TRMO: variants seen among roughly 807,000 people sequenced by gnomAD.
TRMO encodes tRNA methyltransferase O.
Under a neutral mutation model 37.2 loss-of-function variants are expected in TRMO, and 30 were observed. The observed-to-expected ratio is 0.81, with a 90% CI of 0.60 to 1.09. The LOEUF is 1.09. TRMO is among the 50% of genes least tolerant of loss of function. The pLI is 0.00. For synonymous variants in TRMO, 239 were observed against 199.4 expected (o/e 1.20, Z -1.67); for missense variants, 552 against 549.5 (o/e 1.00, Z -0.05).
chr9:97,908,282 G>A (rs1282656104), intron 4 of TRMO, among the ~76,000 whole-genome samples: 2 of 152,020 alleles, frequency 1.3e-5, no homozygotes, highest in African/African-American at 2.4e-5. Context: ...TGTGGTGGCG[G>A]GCGCCTGTAG....
At chr9:97,913,606 A>C in intron 2 of TRMO, 48 bp from the exon 3 acceptor site, 1 of 1,302,354 alleles carries the variant, frequency 7.7e-7, no homozygotes, top group Non-Finnish European at 1.1e-6. Flanking sequence ...AAAGAGCACA[A>C]GTTATTTTAC....
Position 97,910,566 on chromosome 9 carries a change from G to C in TRMO, c.460C>G (p.Leu154Val), listed in dbSNP as rs1826076899. 1 of 1,614,028 alleles carries C rather than the reference G, an allele frequency of 6.2e-7. No homozygotes were observed. The highest frequency in any genetic ancestry group is 8.5e-7 in the Non-Finnish European group (1 of 1,179,878). Reference protein sequence around the residue: ...GIDMIHGTPVLDIKPYIAEYD... With the variant: ...GIDMIHGTPVVDIKPYIAEYD... ...TCAGCTATGTAGGGCTTGATGTCTAGTACGGGTGTGCCATGTATCATGTCA... is the reference window on the plus strand; with the variant it reads ...TCAGCTATGTAGGGCTTGATGTCTACTACGGGTGTGCCATGTATCATGTCA... The change falls in exon 4 of 5, where the codon CTA (leucine) becomes GTA (valine). Residue 154 changes from leucine to valine, a missense_variant. By Grantham distance (32) the Leu-to-Val change is conservative. Transcript: ENST00000375119.
chr9:97,906,310 C>A, intron 4 of TRMO, among the ~76,000 whole-genome samples: 1 of 152,148 alleles, frequency 6.6e-6, no homozygotes, highest in Admixed American at 6.5e-5. Context: ...CTCTGCTTGG[C>A]CGTTTATCTG....
At position 97,912,555 on chromosome 9, in the gene TRMO, T is replaced by C. The variant is rs1826173563; in HGVS notation, c.409+846A>G. The C allele has an allele frequency of 1.7e-5, 3 of 179,380 alleles. No individual in the cohort carries two copies. In the Admixed American group the frequency reaches 1.8e-4, roughly 11 times the overall value. 11.1% of individuals were successfully genotyped at this position (179,380 alleles called of 1,614,324 possible). A position where few individuals can be genotyped will look rare whatever the true frequency, so the allele number is the denominator to read the frequency against. ...CAATCCAGTGGGAGAGTTCAAGTTC[T>C]GGGAAAGAACAAGCAAAATAACTGC... On this transcript the variant is annotated intron_variant, in intron 3 of 4. Transcript: ENST00000375119.
At chr9:97,921,603 T>C (rs1172589424) in intron 1 of TRMO, among the ~76,000 whole-genome samples, 1 of 151,974 alleles carries the variant, frequency 6.6e-6, no homozygotes, top group Non-Finnish European at 1.5e-5. Context: ...TTTTGTATTT[T>C]TTAGTAGAGA....
At chr9:97,913,120 T>C (rs921724025) in intron 3 of TRMO, 1 of 471,074 alleles carries the variant, frequency 2.1e-6, no homozygotes, top group Non-Finnish European at 3.9e-6. Context: ...AAACTTTGGT[T>C]ACTAATTTAA....
intron 3 of TRMO, chr9:97,911,366 G>A (rs1826117214): frequency 6.5e-6 from 1 of 152,948 alleles, no homozygotes; most frequent in African/African-American, 2.4e-5. Flanking sequence ...AGACACTGAG[G>A]GCAGCCTCCA....
At chr9:97,905,451 C>T (rs369102285) in intron 4 of TRMO, among the ~76,000 whole-genome samples, 2 of 152,214 alleles carry the variant, frequency 1.3e-5, no homozygotes, top group African/African-American at 2.4e-5. Flanking sequence ...CAGCTACAGG[C>T]GAGAGAGGCT....
At chr9:97,898,951 T>C in the TRMO span, among the ~76,000 whole-genome samples, 1 of 144,828 alleles carries the variant, frequency 6.9e-6, no homozygotes, top group Non-Finnish European at 1.5e-5. Flanking sequence ...GCCATTCTCC[T>C]GCCTCAGCCT....
At chr9:97,922,201 A>C (rs1183165561) in intron 1 of TRMO, among the ~76,000 whole-genome samples, 2 of 152,208 alleles carry the variant, frequency 1.3e-5, no homozygotes, top group East Asian at 3.9e-4. Context: ...CAGACAGTAC[A>C]AGTCTTATAA....
chr9:97,909,773 C>G (rs1353311404), intron 4 of TRMO, among the ~76,000 whole-genome samples, 187 bp downstream of exon 4: 1 of 152,188 alleles, frequency 6.6e-6, no homozygotes, highest in Non-Finnish European at 1.5e-5. Context: ...ACTAACTGTG[C>G]TGACCACACA....
intron 2 of TRMO, among the ~76,000 whole-genome samples, chr9:97,914,853 G>A (rs1826282890): frequency 6.6e-6 from 1 of 152,160 alleles, no homozygotes; most frequent in Non-Finnish European, 1.5e-5. Context: ...TCTACACCAT[G>A]CTGTTAACAG....
intron 1 of TRMO, among the ~76,000 whole-genome samples, chr9:97,918,106 C>A (rs1489413414): frequency 1.3e-5 from 2 of 151,290 alleles, no homozygotes; most frequent in South Asian, 4.2e-4. Context: ...TTAGGCCAGG[C>A]GCGGTGGCTC....
intron 4 of TRMO, 152 bp from the exon 5 acceptor site, chr9:97,905,144 C>A: frequency 1.2e-6 from 1 of 855,096 alleles, no homozygotes. Flanking sequence ...AGACTGTCAC[C>A]GTCAAGAGGT....
chr9:97,897,305 G>A, the TRMO span, among the ~76,000 whole-genome samples: 1 of 152,198 alleles, frequency 6.6e-6, no homozygotes, highest in Non-Finnish European at 1.5e-5. Flanking sequence ...GAGTTTCAGA[G>A]AAATAATGTT....
Position 97,910,070 on chromosome 9 carries a change from C to T in TRMO, c.956G>A (p.Gly319Glu), listed in dbSNP as rs1175113799. The change falls in exon 4 of 5, where the codon GGA becomes GAA. Residue 319 changes from glycine to glutamate, a missense_variant. Physicochemically the swap from Gly to Glu is moderately conservative, Grantham distance 98 (BLOSUM62 -2). Transcript: ENST00000375119. ...GGCAGGAACCACGCTGCGGGGAGCT[C>T]CATCAGCCCTTCCAGCAGGGCAGTG... ...APHCPAGRAD[G>E]APRSVVPAWV... 4 of 1,613,768 alleles carry T rather than the reference C, an allele frequency of 2.5e-6. No homozygotes were observed. Among genetic ancestry groups the T allele is most frequent in the Non-Finnish European group, 3.4e-6 (4 of 1,179,686 alleles).
At chr9:97,910,742 A>G (rs1826087024) in intron 3 of TRMO, 126 bp from the exon 4 acceptor site, 3 of 1,081,014 alleles carry the variant, frequency 2.8e-6, no homozygotes, top group South Asian at 3.1e-5. Flanking sequence ...TCTCACACAG[A>G]CCTAGTACCA....
the TRMO span, among the ~76,000 whole-genome samples, chr9:97,898,290 T>G: frequency 6.6e-6 from 1 of 152,194 alleles, no homozygotes; most frequent in Admixed American, 6.5e-5. Flanking sequence ...AAGAATAGGG[T>G]AAATGCTGGA....
At chr9:97,904,384 T>C (rs1249991991), downstream of TRMO, 2 of 635,976 alleles carry the variant, frequency 3.1e-6, no homozygotes, top group Non-Finnish European at 4.0e-6. Flanking sequence ...CAATATGAAT[T>C]ACTGAATAGA....
Sources: allele counts gnomAD v4.1 joint callset (sites outside exome capture counted in the v4.1 genomes callset), GRCh38; gene constraint gnomAD v4.1.1; transcripts MANE v1.5; gene names NCBI Gene and HGNC (gene_info 2026-07-23, HGNC 2026-07-21).